Variants in RBFOX1 observed in about 807,000 individuals in gnomAD.
RBFOX1 encodes the protein RNA binding fox-1 homolog 1, also known as RNA binding protein fox-1 homolog 1.
In RBFOX1, 8 loss-of-function variants were observed where a neutral mutation model predicts 57.7. That is an observed-to-expected ratio of 0.14 (90% CI 0.08 to 0.25). The LOEUF is 0.25. Ranked by LOEUF, RBFOX1 falls within the 10% of genes least tolerant of loss-of-function variation. The pLI, the probability that RBFOX1 is intolerant of heterozygous loss-of-function variation, is 1.00. For synonymous variants in RBFOX1, 326 were observed against 222.4 expected, an observed-to-expected ratio of 1.47 and a Z score of -4.15; for missense variants, 611 against 548.5, an observed-to-expected ratio of 1.11 and a Z score of -1.14.
At chr16:5,770,408 A>G (rs188803194) in intron 3 of RBFOX1, among the ~76,000 whole-genome samples, 1 of 152,326 alleles carries the variant, frequency 6.6e-6, no homozygotes, top group Admixed American at 6.5e-5. Context: ...AAGTTACCTT[A>G]TAGGGTTTAA....
intron 4 of RBFOX1, among the ~76,000 whole-genome samples, chr16:5,894,648 G>A (rs944203262): frequency 1.3e-5 from 2 of 152,108 alleles, no homozygotes; most frequent in Non-Finnish European, 2.9e-5. Flanking sequence ...TTCCTTCTGA[G>A]CTCCCTGGAA....
rs188141696 is a variant in RBFOX1 at position 6,837,389 on chromosome 16, A to T, written c.-16+182739A>T. ...TCTTGGGTTCTCCGCAATGGTAGTGACTTCCAATCACGGTCCACCAGCTAG... is the reference window on the plus strand; with the variant it reads ...TCTTGGGTTCTCCGCAATGGTAGTGTCTTCCAATCACGGTCCACCAGCTAG... On this transcript the variant is annotated intron_variant, in intron 3 of 15. Coordinates refer to ENST00000550418, the MANE Select transcript of RBFOX1 (RefSeq NM_018723.4). 3.3e-3 allele frequency among the ~76,000 whole-genome samples: 503 copies of T among 152,284 alleles called. 3 individuals carry two copies. The highest frequency in any genetic ancestry group is 0.012 in the African/African-American group (480 of 41,558).
At chr16:5,466,369 A>T (rs1043183179) in intron 1 of RBFOX1, among the ~76,000 whole-genome samples, 1 of 151,940 alleles carries the variant, frequency 6.6e-6, no homozygotes, top group Non-Finnish European at 1.5e-5. Flanking sequence ...GATCTCCTCC[A>T]TGGGGGCTGC....
Position 6,734,975 on chromosome 16 carries a change from A to T in RBFOX1, c.-16+80325A>T, listed in dbSNP as rs557266798. ...GGCAACACAGTGAGACTGTGTTTCT[A>T]TAATTTTTTTTTAAAGTAGCCTGTT... is the stretch of plus-strand genomic sequence containing the variant. On this transcript the variant is annotated intron_variant, in intron 3 of 15. Coordinates refer to ENST00000550418, the MANE Select transcript of RBFOX1 (RefSeq NM_018723.4). 3.3e-5 allele frequency among the ~76,000 whole-genome samples: 5 copies of T among 152,154 alleles called. No homozygotes were observed. In the South Asian group the frequency reaches 1.0e-3, roughly 32 times the overall value.
chr16:6,489,699 G>C (rs55755626), intron 2 of RBFOX1, among the ~76,000 whole-genome samples: 11,929 of 152,170 alleles, frequency 0.078, 548 homozygotes, highest in Middle Eastern at 0.11. Flanking sequence ...ACCTGTTTTT[G>C]AAAGAGCATG....
chr16:6,413,938 A>G (rs34116670), intron 2 of RBFOX1, among the ~76,000 whole-genome samples: 64,370 of 152,056 alleles, frequency 0.42, 14,503 homozygotes, highest in Non-Finnish European at 0.49. Context: ...GGGTGAATGC[A>G]TGTTCTCCAG....
At chr16:7,649,012 AGGGTTCCT>A (rs1242554192) in intron 11 of RBFOX1, among the ~76,000 whole-genome samples, 1 of 152,202 alleles carries the variant, frequency 6.6e-6, no homozygotes, top group Non-Finnish European at 1.5e-5. Flanking sequence ...TTACAGGAAA[AGGGTTCCT>A]ATCCAGACCC....
intron 3 of RBFOX1, among the ~76,000 whole-genome samples, chr16:6,972,813 T>A (rs947143021): frequency 6.6e-6 from 1 of 152,062 alleles, no homozygotes; most frequent in African/African-American, 2.4e-5. Context: ...TTCAAATTCA[T>A]ATTTTTTTCA....
At chr16:7,578,857 A>C (rs770142123) in intron 5 of RBFOX1, among the ~76,000 whole-genome samples, 1 of 152,202 alleles carries the variant, frequency 6.6e-6, no homozygotes, top group Admixed American at 6.5e-5. Flanking sequence ...ATGATACCTA[A>C]TGTGACTGTG....
chr16:5,460,597 G>A (rs925349821), intron 1 of RBFOX1, among the ~76,000 whole-genome samples: 2 of 152,192 alleles, frequency 1.3e-5, no homozygotes, highest in African/African-American at 2.4e-5. Flanking sequence ...GTGAGGGCTC[G>A]GCTGACAGTG....
chr16:6,126,429 A>C (rs1308045083), intron 1 of RBFOX1, among the ~76,000 whole-genome samples: 1 of 152,104 alleles, frequency 6.6e-6, no homozygotes, highest in Non-Finnish European at 1.5e-5. Flanking sequence ...TTTTAATTTA[A>C]ATTTTACAAC....
intron 1 of RBFOX1, among the ~76,000 whole-genome samples, chr16:5,344,958 T>C (rs942228704): frequency 6.6e-6 from 1 of 152,222 alleles, no homozygotes; most frequent in African/African-American, 2.4e-5. Context: ...AAAATTCTTC[T>C]TTCCCGCAGT....
At chr16:7,477,411 C>T (rs1029734888) in intron 4 of RBFOX1, among the ~76,000 whole-genome samples, 12 of 152,016 alleles carry the variant, frequency 7.9e-5, no homozygotes, top group African/African-American at 2.9e-4. Flanking sequence ...CGTGGGGGGT[C>T]GGGGGGTGGT....
intron 2 of RBFOX1, among the ~76,000 whole-genome samples, chr16:5,593,239 G>C (rs2047067993): frequency 6.6e-6 from 1 of 150,504 alleles, no homozygotes; most frequent in Non-Finnish European, 1.5e-5. Context: ...ACTAACACAG[G>C]AACAGAAAAC....
At chr16:6,928,633 C>A (rs1010362377) in intron 3 of RBFOX1, among the ~76,000 whole-genome samples, 110 of 152,256 alleles carry the variant, frequency 7.2e-4, no homozygotes, top group African/African-American at 2.6e-3. Flanking sequence ...TCTCTAGCAG[C>A]CTTGCATTCA....
chr16:6,391,353 C>T (rs926286663), intron 2 of RBFOX1, among the ~76,000 whole-genome samples: 1 of 151,614 alleles, frequency 6.6e-6, no homozygotes, highest in Non-Finnish European at 1.5e-5. Flanking sequence ...ACTAAAAATA[C>T]AAAAAAATTA....
At chr16:6,306,724 C>T (rs566941619) in intron 1 of RBFOX1, among the ~76,000 whole-genome samples, 20 of 152,242 alleles carry the variant, frequency 1.3e-4, no homozygotes, top group African/African-American at 4.6e-4. Context: ...CAGCAGTTGC[C>T]GTCCATTTCT....
At chr16:5,837,975 C>G (rs924658929) in intron 3 of RBFOX1, among the ~76,000 whole-genome samples, 2 of 152,146 alleles carry the variant, frequency 1.3e-5, no homozygotes, top group Non-Finnish European at 2.9e-5. Flanking sequence ...GTACAGCATT[C>G]TGGATGTCTG....
rs140146264 is a variant in RBFOX1, at chr16:6,844,305, G to T, written c.-16+189655G>T. On this transcript the variant is annotated intron_variant, in intron 3 of 15. Coordinates refer to ENST00000550418, the MANE Select transcript of RBFOX1 (RefSeq NM_018723.4). ...CTGCACAGGTCATCCCATCACCTAGGTATTAAATCTGGTGTTCATTAGGTA... is the reference window on the plus strand; with the variant it reads ...CTGCACAGGTCATCCCATCACCTAGTTATTAAATCTGGTGTTCATTAGGTA... 3.4e-3 allele frequency among the ~76,000 whole-genome samples: 510 copies of T among 152,136 alleles called. 9 individuals carry two copies. The East Asian group carries it at 0.039, about 12-fold the overall frequency.
Sources: gnomAD v4.1 joint callset for allele counts (sites outside exome capture counted in the v4.1 genomes callset) on GRCh38, gnomAD v4.1.1 for gene constraint, MANE v1.5 for transcripts, NCBI Gene and HGNC (gene_info 2026-07-23, HGNC 2026-07-21) for gene names.